The following EDIL3 variants were observed in gnomAD, a reference collection of about 807,000 sequenced individuals.
The protein encoded by EDIL3 is EGF-like repeat and discoidin I-like domain-containing protein 3.
EDIL3 carries 37 observed loss-of-function variants against 67.4 expected under a neutral mutation model. The observed-to-expected ratio is 0.55, with a 90% CI of 0.42 to 0.72. The LOEUF is 0.72. EDIL3 is among the 30% of genes least tolerant of loss of function. The pLI is 0.00. For synonymous variants in EDIL3, 195 were observed against 196.3 expected (o/e 0.99, Z 0.05); for missense variants, 527 against 586.3 (o/e 0.90, Z 1.04).
intron 1 of EDIL3, among the ~76,000 whole-genome samples, chr5:84,366,977 C>T (rs998360187): frequency 2.6e-5 from 4 of 152,186 alleles, no homozygotes; most frequent in Non-Finnish European, 4.4e-5. Context: ...TAATTATCCA[C>T]AATGGCACAA....
At chr5:84,146,911 A>C (rs545068072) in intron 4 of EDIL3, among the ~76,000 whole-genome samples, 1 of 152,228 alleles carries the variant, frequency 6.6e-6, no homozygotes, top group Non-Finnish European at 1.5e-5. Context: ...GACACAAAAC[A>C]GTAAAGTTAC....
intron 1 of EDIL3, among the ~76,000 whole-genome samples, chr5:84,379,880 ATTTTTCCTTTTATTTTAT>A (rs1306745680): frequency 1.3e-5 from 2 of 151,812 alleles, no homozygotes; most frequent in African/African-American, 4.8e-5. Context: ...GACTTCTTTT[ATTTTTCCTTTTATTTTAT>A]TTTTTCCTTT....
At chr5:83,989,179 T>A (rs1745106508) in intron 9 of EDIL3, among the ~76,000 whole-genome samples, 1 of 152,182 alleles carries the variant, frequency 6.6e-6, no homozygotes, top group Admixed American at 6.6e-5. Flanking sequence ...TGGCAAAATA[T>A]AATTCCTGCT....
At chr5:84,127,324 A>G (rs1747885765) in intron 5 of EDIL3, among the ~76,000 whole-genome samples, 1 of 152,060 alleles carries the variant, frequency 6.6e-6, no homozygotes, top group East Asian at 1.9e-4. Context: ...TTTAAGTTGG[A>G]TACTTTATGT....
intron 1 of EDIL3, among the ~76,000 whole-genome samples, chr5:84,364,068 A>G (rs2112204289): frequency 6.6e-6 from 1 of 152,322 alleles, no homozygotes; most frequent in African/African-American, 2.4e-5. Context: ...AGGGAAGATT[A>G]TAGAAGAAGT....
In EDIL3 at chr5:83,983,320, G is replaced by A. The variant is rs973331089; in HGVS notation, c.1138-19960C>T. Among the ~76,000 whole-genome samples, 28 of 152,220 alleles carry A rather than the reference G, an allele frequency of 1.8e-4. 1 individual carries two copies. Among genetic ancestry groups the A allele is most frequent in the African/African-American group, 5.1e-4 (21 of 41,546 alleles). On this transcript the variant is annotated intron_variant, in intron 9 of 10. Coordinates refer to ENST00000296591, the MANE Select transcript of EDIL3 (RefSeq NM_005711.5). ...TTTTAAAACTTACTGCAAAGTCTGT[G>A]TATATTAGGTATTGAGGAACATGCT...
In EDIL3 at chr5:84,186,792, C is replaced by T. The variant is rs557204886; in HGVS notation, c.227-6271G>A. Among the ~76,000 whole-genome samples, 36 of 152,034 alleles carry T rather than the reference C, an allele frequency of 2.4e-4. No homozygotes were observed. The South Asian group carries it at 5.0e-3, about 21-fold the overall frequency. On this transcript the variant is annotated intron_variant, in intron 3 of 10. Coordinates refer to ENST00000296591, the MANE Select transcript of EDIL3 (RefSeq NM_005711.5). ...GCTTTGAAGCAGTTTAATAGCAGAT[C>T]AAAGTTTGAGAACAAATGAGTATTA... is the stretch of plus-strand genomic sequence containing the variant.
chr5:83,947,447 T>C (rs893101344), intron 10 of EDIL3, among the ~76,000 whole-genome samples: 1 of 151,076 alleles, frequency 6.6e-6, no homozygotes, highest in Non-Finnish European at 1.5e-5. Context: ...TTATTTAACA[T>C]ACATAATTTC....
At chr5:84,122,262 C>T (rs1258836841) in intron 5 of EDIL3, among the ~76,000 whole-genome samples, 1 of 152,036 alleles carries the variant, frequency 6.6e-6, no homozygotes, top group African/African-American at 2.4e-5. Flanking sequence ...TTTTCTCTCA[C>T]AGATCTTCCT....
chr5:84,384,238 C>T, intron 1 of EDIL3, 70 bp downstream of exon 1: 1 of 1,546,894 alleles, frequency 6.5e-7, no homozygotes, highest in Non-Finnish European at 8.8e-7. Context: ...GCCTCCGGCC[C>T]CCTGCGCGGC....
At chr5:84,249,906 C>CAT (rs1038764918) in intron 2 of EDIL3, among the ~76,000 whole-genome samples, 22 of 151,038 alleles carry the variant, frequency 1.5e-4, no homozygotes, top group African/African-American at 3.9e-4. Flanking sequence ...CCAGTCTGGC[C>CAT]ATATATATAT....
Position 84,108,210 on chromosome 5 carries a change from C to T in EDIL3, c.470-1380G>A, listed in dbSNP as rs1163021985. Reference sequence around the variant, plus strand: ...TTTTGAAACTTAGTAAGATATTTCTCACTGTTAACCATATTTTTAATTGTC... The same window carrying T: ...TTTTGAAACTTAGTAAGATATTTCTTACTGTTAACCATATTTTTAATTGTC... On this transcript the variant is annotated intron_variant, in intron 5 of 10. Coordinates refer to ENST00000296591, the MANE Select transcript of EDIL3 (RefSeq NM_005711.5). 4.6e-5 allele frequency among the ~76,000 whole-genome samples: 7 copies of T among 151,874 alleles called. No individual in the cohort carries two copies. In the South Asian group the frequency reaches 1.5e-3, roughly 31 times the overall value.
chr5:84,228,640 A>G (rs1189101344), intron 3 of EDIL3, among the ~76,000 whole-genome samples: 1 of 152,188 alleles, frequency 6.6e-6, no homozygotes, highest in Non-Finnish European at 1.5e-5. Context: ...AAGGCAGTTT[A>G]TAGTTATAAT....
At chr5:84,215,607 G>A (rs1561224074) in intron 3 of EDIL3, among the ~76,000 whole-genome samples, 1 of 152,190 alleles carries the variant, frequency 6.6e-6, no homozygotes. Context: ...GCAGGCAAAA[G>A]ACTGACAAAG....
chr5:84,248,985 CTT>C (rs3046881), intron 2 of EDIL3, among the ~76,000 whole-genome samples: 13,384 of 152,176 alleles, frequency 0.088, 653 homozygotes, highest in Middle Eastern at 0.15. Context: ...TACAAAATCT[CTT>C]GTTTTTCTTA....
At chr5:84,248,030 AT>A (rs1744943604) in intron 2 of EDIL3, among the ~76,000 whole-genome samples, 2 of 152,136 alleles carry the variant, frequency 1.3e-5, no homozygotes, top group South Asian at 2.1e-4. Flanking sequence ...GACAAAGACC[AT>A]TTTTTAACTG....
chr5:84,079,365 T>C (rs1036580496), intron 6 of EDIL3, among the ~76,000 whole-genome samples: 5 of 152,116 alleles, frequency 3.3e-5, no homozygotes, highest in Non-Finnish European at 5.9e-5. Flanking sequence ...CTCGTGGAAC[T>C]GTCTTGAGGA....
At chr5:84,099,754 T>G (rs1747328114) in intron 6 of EDIL3, among the ~76,000 whole-genome samples, 1 of 151,980 alleles carries the variant, frequency 6.6e-6, no homozygotes, top group Non-Finnish European at 1.5e-5. Context: ...CTAAAGAGCT[T>G]CTGCACAGCA....
intron 1 of EDIL3, among the ~76,000 whole-genome samples, chr5:84,308,723 A>G (rs911427337): frequency 3.3e-5 from 5 of 152,240 alleles, no homozygotes; most frequent in African/African-American, 1.2e-4. Context: ...ATGAGTCATA[A>G]TGTTATGTGT....
Sources: gnomAD v4.1 joint callset for allele counts (sites outside exome capture counted in the v4.1 genomes callset) on GRCh38, gnomAD v4.1.1 for gene constraint, MANE v1.5 for transcripts, NCBI Gene and HGNC (gene_info 2026-07-23, HGNC 2026-07-21) for gene names.